Variants in SYT4 observed in about 807,000 individuals in gnomAD.
SYT4 encodes synaptotagmin 4.
In SYT4, 7 loss-of-function variants were observed where a neutral mutation model predicts 32.9. The ratio of observed to expected loss-of-function variants is 0.21; its 90% CI spans 0.12 to 0.40. The LOEUF (loss-of-function observed/expected upper bound fraction) is 0.40, where lower values mean the gene tolerates loss of function less well. Among genes scored for constraint, SYT4 ranks in the 10% least tolerant of loss-of-function variants. The pLI is 1.00. For missense variants in SYT4, 480 were observed against 488.0 expected (o/e 0.98, Z 0.16); for synonymous variants, 205 against 186.2 (o/e 1.10, Z -0.82).
rs941607684 is a variant in SYT4 at position 43,268,821 on chromosome 18, A to G, written c.*1520T>C. 4.6e-5 allele frequency: 7 copies of G among 152,672 alleles called. No individual in the cohort carries two copies. The highest frequency in any genetic ancestry group is 7.3e-5 in the Non-Finnish European group (5 of 68,042). 9.5% of individuals were successfully genotyped at this position (152,672 alleles called of 1,614,324 possible). A position where few individuals can be genotyped will look rare whatever the true frequency, so the allele number is the denominator to read the frequency against. On this transcript the variant is annotated 3_prime_UTR_variant, in exon 4 of 4. Coordinates refer to ENST00000255224, the MANE Select transcript of SYT4 (RefSeq NM_020783.4). ...TTAGGCATAGTCATAAAAAGCATGT[A>G]TAAGTTGTTTGGAAAATGCATTTTT... is the stretch of plus-strand genomic sequence containing the variant.
At position 43,269,779 on chromosome 18, in the gene SYT4, T is replaced by C. The variant is rs771954402; in HGVS notation, c.*562A>G. On this transcript the variant is annotated 3_prime_UTR_variant, in exon 4 of 4. Coordinates refer to ENST00000255224, the MANE Select transcript of SYT4 (RefSeq NM_020783.4). ...TTGAAATGAATCTGAGTTACTCTTA[T>C]GATAAAATTGCATCAAATAATTACA... 3.2e-5 allele frequency: 5 copies of C among 153,892 alleles called. No homozygotes were observed. The highest frequency in any genetic ancestry group is 1.2e-4 in the African/African-American group (5 of 41,456). The allele number at this position is 153,892 out of a possible 1,614,324, so 9.5% of individuals were successfully genotyped here. A position where few individuals can be genotyped will look rare whatever the true frequency, so the allele number is the denominator to read the frequency against.
At chr18:43,273,472 G>A in intron 2 of SYT4, 108 bp downstream of exon 2, 1 of 676,810 alleles carries the variant, frequency 1.5e-6, no homozygotes, top group Admixed American at 3.0e-5. Context: ...AATTAAACAT[G>A]GTAAGGATGA....
chr18:43,274,269 C>A lies in SYT4; in HGVS notation c.160G>T (p.Val54Leu). The change falls in exon 2 of 4, where the codon GTG (valine) becomes TTG (leucine). Residue 54 changes from valine (V) to leucine (L), a missense_variant. Coordinates refer to ENST00000255224, the MANE Select transcript of SYT4 (RefSeq NM_020783.4). ...KSNKTPPYKF[V>L]HVLKGVDIYP... is the part of the protein sequence containing the mutation. ...ATATCAACTCCCTTAAGCACATGCA[C>A]AAACTTGTATGGAGGAGTCTTGTTA... 1.9e-6 allele frequency: 3 copies of A among 1,613,932 alleles called. No individual in the cohort carries two copies. The highest frequency in any genetic ancestry group is 2.5e-6 in the Non-Finnish European group (3 of 1,179,926).
intron 3 of SYT4, among the ~76,000 whole-genome samples, chr18:43,271,134 T>C (rs921114387): frequency 2.0e-5 from 3 of 152,206 alleles, no homozygotes; most frequent in African/African-American, 7.2e-5. Flanking sequence ...CTTTTATGAA[T>C]TTCTTTAGTC....
intron 1 of SYT4, among the ~76,000 whole-genome samples, chr18:43,274,693 T>G (rs1908739293): frequency 6.6e-6 from 1 of 152,236 alleles, no homozygotes; most frequent in Admixed American, 6.5e-5. Context: ...GACTCTGACC[T>G]ATCTTTGTTT....
intron 2 of SYT4, among the ~76,000 whole-genome samples, chr18:43,273,106 G>A (rs193126176): frequency 3.9e-5 from 6 of 152,184 alleles, no homozygotes; most frequent in Admixed American, 2.6e-4. Context: ...TGAAAATGAC[G>A]TGATGCCTCT....
rs985671545 is a variant in SYT4, at chr18:43,268,518, A to G, written c.*1823T>C. 1 of 152,130 alleles carries G rather than the reference A, an allele frequency of 6.6e-6. No individual in the cohort carries two copies. The highest frequency in any genetic ancestry group is 1.5e-5 in the Non-Finnish European group (1 of 68,022). 9.4% of individuals were successfully genotyped at this position (152,130 alleles called of 1,614,324 possible). ...TAGAATTGGCCCCTTACAACTTTTC[A>G]GAGGTCCAACATATATTCTGTTCCA... On this transcript the variant is annotated 3_prime_UTR_variant, in exon 4 of 4. Coordinates refer to ENST00000255224, the MANE Select transcript of SYT4 (RefSeq NM_020783.4).
At position 43,270,341 on chromosome 18, in the gene SYT4, C is replaced by T. The variant is rs1417452548; in HGVS notation, c.1278G>A (p.Ter426=). 1.2e-6 allele frequency: 2 copies of T among 1,612,736 alleles called. No homozygotes were observed. The highest frequency in any genetic ancestry group is 1.7e-6 in the Non-Finnish European group (2 of 1,178,862). The stretch of plus-strand genomic sequence containing the variant: ...TAAGTTCCAACTCACGGCTAGGATG[C>T]TAACCATCACAGAGCACGTGCCACT... ...IAKWHVLCDG[*] The change falls in exon 4 of 4, where the codon TAG becomes TAA. Residue 426 remains the stop codon, a stop_retained_variant. Coordinates refer to ENST00000255224, the MANE Select transcript of SYT4 (RefSeq NM_020783.4).
At position 43,273,692 on chromosome 18, in the gene SYT4, T is replaced by C. The variant is rs1399597227; in HGVS notation, c.737A>G (p.Asp246Gly). The C allele has an allele frequency of 6.2e-7, 1 of 1,614,004 alleles. No homozygotes were observed. Among genetic ancestry groups the C allele is most frequent in the Non-Finnish European group, 8.5e-7 (1 of 1,179,912 alleles). ...AATGATATCATCTCTTGAAAACCTG[T>C]CAAAACTCAAAATTGTGAAGTGCAA... ...LALHFTILSF[D>G]RFSRDDIIGE... The change falls in exon 2 of 4, where the codon GAC becomes GGC. Residue 246 changes from aspartate to glycine, a missense_variant. Coordinates refer to ENST00000255224, the MANE Select transcript of SYT4 (RefSeq NM_020783.4).
Position 43,271,911 on chromosome 18 carries a change from C to T in SYT4, c.850-79G>A, listed in dbSNP as rs16977443. On this transcript the variant is annotated intron_variant, in intron 2 of 3. Coordinates refer to ENST00000255224, the MANE Select transcript of SYT4 (RefSeq NM_020783.4). ...TGTACTTTCATTAAAGTTTAAATAA[C>T]ATCGTCATTTAAATATAATCTTACT... 9,529 of 1,387,736 alleles carry T rather than the reference C, an allele frequency of 6.9e-3. 517 individuals carry two copies. In the African/African-American group the frequency reaches 0.12, roughly 18 times the overall value. The allele number at this position is 1,387,736 out of a possible 1,614,324, so 86.0% of individuals were successfully genotyped here.
At chr18:43,272,191 A>T (rs1215027088) in intron 2 of SYT4, 1 of 159,034 alleles carries the variant, frequency 6.3e-6, no homozygotes, top group South Asian at 1.8e-4. Flanking sequence ...TAATAGTAAT[A>T]AAGCTTATCT....
rs575983635 is a variant in SYT4 at position 43,270,688 on chromosome 18, G to A, written c.971-40C>T. ...AACAGGCATTACAATGGCATAACTG[G>A]GCTGGAGAGCTGATATCAAGATAAC... On this transcript the variant is annotated intron_variant, in intron 3 of 3. Transcript: ENST00000255224. The A allele has an allele frequency of 1.6e-5, 25 of 1,598,646 alleles. 2 individuals are homozygous for A. In the South Asian group the frequency reaches 2.7e-4, roughly 17 times the overall value.
rs1418387719 is a variant in SYT4 at position 43,267,988 on chromosome 18, A to G, written c.*2353T>C. 4 of 152,256 alleles carry G rather than the reference A, an allele frequency of 2.6e-5. No homozygotes were observed. Among genetic ancestry groups the G allele is most frequent in the African/African-American group, 9.6e-5 (4 of 41,466 alleles). The allele number at this position is 152,256 out of a possible 1,614,324, so 9.4% of individuals were successfully genotyped here. On this transcript the variant is annotated 3_prime_UTR_variant, in exon 4 of 4. Coordinates refer to ENST00000255224, the MANE Select transcript of SYT4 (RefSeq NM_020783.4). ...AAGAACAGACACTGTCTCACACACC[A>G]TGCTTCCTTCCAAAACACTTCTATT...
rs1054607017 is a variant in SYT4 at position 43,269,221 on chromosome 18, G to A, written c.*1120C>T. 3.3e-5 allele frequency: 5 copies of A among 152,180 alleles called. No homozygotes were observed. The highest frequency in any genetic ancestry group is 7.3e-5 in the Non-Finnish European group (5 of 68,036). The allele number at this position is 152,180 out of a possible 1,614,324, so 9.4% of individuals were successfully genotyped here. On this transcript the variant is annotated 3_prime_UTR_variant, in exon 4 of 4. Transcript: ENST00000255224. ...CATTCTTTGTTGTGCTAATTTGACA[G>A]CCTAAGCATATTTTGCGTGAACATA...
rs1224832782 is a variant in SYT4, at chr18:43,270,073, G to A, written c.*268C>T. ...GATTCTGGCACAGTATTCATAAAATGTCTGACTATTCCTAGTTATATCACT... is the reference window on the plus strand; with the variant it reads ...GATTCTGGCACAGTATTCATAAAATATCTGACTATTCCTAGTTATATCACT... On this transcript the variant is annotated 3_prime_UTR_variant, in exon 4 of 4. Coordinates refer to ENST00000255224, the MANE Select transcript of SYT4 (RefSeq NM_020783.4). 2 of 421,512 alleles carry A rather than the reference G, an allele frequency of 4.7e-6. No individual in the cohort carries two copies. Among genetic ancestry groups the A allele is most frequent in the Admixed American group, 8.0e-5 (2 of 25,044 alleles). The allele number at this position is 421,512 out of a possible 1,614,324, so 26.1% of individuals were successfully genotyped here.
At chr18:43,276,487 G>A (rs1435268270) in intron 1 of SYT4, among the ~76,000 whole-genome samples, 1 of 152,068 alleles carries the variant, frequency 6.6e-6, no homozygotes, top group Non-Finnish European at 1.5e-5. Context: ...TTTACTCTAT[G>A]AAGTACGTCT....
In SYT4 at chr18:43,270,589, G is replaced by C; in HGVS notation, c.1030C>G (p.His344Asp). 6.2e-7 allele frequency: 1 copy of C among 1,613,972 alleles called. No homozygotes were observed. The highest frequency in any genetic ancestry group is 8.5e-7 in the Non-Finnish European group (1 of 1,179,950). ...GCATTGGGGGTGCATTTCTTCACAT[G>C]AGTCTTCTTCTTGGAGATTCTCTTT... is the stretch of plus-strand genomic sequence containing the variant. Reference protein sequence around the residue: ...AKKRISKKKTHVKKCTPNAVF... With the variant: ...AKKRISKKKTDVKKCTPNAVF... Residue 344 changes from histidine (H) to aspartate (D), a missense_variant, in exon 4 of 4, where the codon CAT becomes GAT. By Grantham distance (81) the His-to-Asp change is moderately conservative. Coordinates refer to ENST00000255224, the MANE Select transcript of SYT4 (RefSeq NM_020783.4).
At position 43,274,224 on chromosome 18, in the gene SYT4, T is replaced by C. The variant is rs550328405; in HGVS notation, c.205A>G (p.Ser69Gly). 1.3e-5 allele frequency: 21 copies of C among 1,614,022 alleles called. No homozygotes were observed. The East Asian group carries it at 4.7e-4, about 36-fold the overall frequency. Residue 69 changes from serine to glycine, a missense_variant, in exon 2 of 4, where the codon AGC becomes GGC. By Grantham distance (56) the Ser-to-Gly change is moderately conservative. Coordinates refer to ENST00000255224, the MANE Select transcript of SYT4 (RefSeq NM_020783.4). ...TCATCTGCTCCAAACTTCTTTTTGC[T>C]ATTTAGGTTTTCAGGGTAAATATCA... The part of the protein sequence containing the change: ...GVDIYPENLN[S>G]KKKFGADDKN...
chr18:43,271,792 T>C lies in SYT4; in HGVS notation c.890A>G (p.Tyr297Cys), dbSNP rs754596440. The change falls in exon 3 of 4, where the codon TAT becomes TGT. Residue 297 changes from tyrosine (Y) to cysteine (C), a missense_variant. Physicochemically the swap from Tyr to Cys is radical, Grantham distance 194. Coordinates refer to ENST00000255224, the MANE Select transcript of SYT4 (RefSeq NM_020783.4). ...AGTTAGAGTGTTTGTGGTGGACTGA[T>C]AGCAGAGAGAGATCAGTAACTCACC... is the stretch of plus-strand genomic sequence containing the variant. ...GRGELLISLC[Y>C]QSTTNTLTVV... 3.1e-6 allele frequency: 5 copies of C among 1,613,224 alleles called. No individual in the cohort carries two copies. The highest frequency in any genetic ancestry group is 2.2e-5 in the East Asian group (1 of 44,814).
Sources: allele counts gnomAD v4.1 joint callset (sites outside exome capture counted in the v4.1 genomes callset), GRCh38; gene constraint gnomAD v4.1.1; transcripts MANE v1.5; gene names NCBI Gene and HGNC (gene_info 2026-07-23, HGNC 2026-07-21).